The following TBX5 variants were observed in gnomAD, a reference collection of about 807,000 sequenced individuals.
TBX5 encodes T-box transcription factor 5, also known as T-box transcription factor TBX5.
Under a neutral mutation model 51.1 loss-of-function variants are expected in TBX5, and 8 were observed. That is an observed-to-expected ratio of 0.16 (90% confidence interval 0.09 to 0.28). TBX5 has a LOEUF of 0.28. TBX5 is among the 10% of genes least tolerant of loss of function. TBX5 has a pLI of 1.00. For synonymous variants in TBX5, 302 were observed against 266.4 expected (o/e 1.13, Z -1.30); for missense variants, 589 against 671.7 (o/e 0.88, Z 1.36).
At chr12:114,393,014 G>T (rs1871244227) in intron 6 of TBX5, among the ~76,000 whole-genome samples, 1 of 152,124 alleles carries the variant, frequency 6.6e-6, no homozygotes, top group African/African-American at 2.4e-5. Context: ...GGCCTGGAAA[G>T]GACTGTCTAT....
At chr12:114,404,396 A>C (rs1872057839) in intron 1 of TBX5, among the ~76,000 whole-genome samples, 1 of 152,168 alleles carries the variant, frequency 6.6e-6, no homozygotes, top group Non-Finnish European at 1.5e-5. Context: ...ATGCCGTCGA[A>C]ACTCTTTTTA....
chr12:114,407,854 G>T (rs1285028387), upstream of TBX5: 2 of 985,146 alleles, frequency 2.0e-6, no homozygotes, highest in Non-Finnish European at 1.2e-6. Flanking sequence ...CAAAAGCCAG[G>T]AGTGCGCCTC....
At chr12:114,375,836 G>C (rs1346970180) in intron 7 of TBX5, among the ~76,000 whole-genome samples, 1 of 152,136 alleles carries the variant, frequency 6.6e-6, no homozygotes. Flanking sequence ...TTGAGCTCAG[G>C]AGTTCAAGAC....
chr12:114,374,888 G>T (rs1870107635), intron 7 of TBX5, among the ~76,000 whole-genome samples: 2 of 152,094 alleles, frequency 1.3e-5, no homozygotes, highest in African/African-American at 4.8e-5. Context: ...GAGGGAGGGA[G>T]AGAGGGACGG....
chr12:114,401,682 T>C, intron 3 of TBX5, 144 bp downstream of exon 3: 1 of 755,950 alleles, frequency 1.3e-6, no homozygotes, highest in Non-Finnish European at 2.3e-6. Context: ...GCTCTCTCTC[T>C]CCTCTCCTCT....
Position 114,356,794 on chromosome 12 carries a change from C to G in TBX5, c.983-688G>C, listed in dbSNP as rs564189925. ...AAGTAACACATTTAATCACAACAAC[C>G]CTACCAGGTGGGTTTTACTATTATC... On this transcript the variant is annotated intron_variant, in intron 8 of 8. Coordinates refer to ENST00000405440, the MANE Select transcript of TBX5 (RefSeq NM_181486.4). Among the ~76,000 whole-genome samples, 7 of 152,240 alleles carry G rather than the reference C, an allele frequency of 4.6e-5. No individual in the cohort carries two copies. The South Asian group carries it at 1.2e-3, about 27-fold the overall frequency.
chr12:114,372,166 T>G (rs1470626091), intron 7 of TBX5, among the ~76,000 whole-genome samples: 1 of 152,146 alleles, frequency 6.6e-6, no homozygotes, highest in African/African-American at 2.4e-5. Flanking sequence ...AAAGTGATAC[T>G]TACACTAAAA....
intron 7 of TBX5, among the ~76,000 whole-genome samples, chr12:114,383,197 G>A (rs546102515): frequency 6.6e-6 from 1 of 152,208 alleles, no homozygotes; most frequent in Admixed American, 6.5e-5. Context: ...GAGGGGTCCT[G>A]GGGGAGACAT....
intron 7 of TBX5, among the ~76,000 whole-genome samples, chr12:114,373,219 G>A (rs1055177687): frequency 2.0e-5 from 3 of 152,030 alleles, no homozygotes; most frequent in African/African-American, 4.8e-5. Context: ...TTCAAAAAAC[G>A]GTTTTGACTC....
chr12:114,381,182 A>G (rs1288561584), intron 7 of TBX5, among the ~76,000 whole-genome samples: 1 of 152,236 alleles, frequency 6.6e-6, no homozygotes, highest in Non-Finnish European at 1.5e-5. Context: ...ACATTTGCCA[A>G]GCAAATCCAA....
intron 1 of TBX5, among the ~76,000 whole-genome samples, chr12:114,404,406 A>G (rs1489935593): frequency 6.6e-6 from 1 of 152,146 alleles, no homozygotes; most frequent in Non-Finnish European, 1.5e-5. Flanking sequence ...AACTCTTTTT[A>G]TTAAACCTCA....
In TBX5 at chr12:114,380,064, G is replaced by A. The variant is rs117418563; in HGVS notation, c.755+5412C>T. On this transcript the variant is annotated intron_variant, in intron 7 of 8. Transcript: ENST00000405440. ...CAGCCCCCTAGACTTTTAGACCCTTGCCCACTTCTTCCTTGCTTCAGCCCA... is the reference window on the plus strand; with the variant it reads ...CAGCCCCCTAGACTTTTAGACCCTTACCCACTTCTTCCTTGCTTCAGCCCA... Among the ~76,000 whole-genome samples the A allele has an allele frequency of 7.1e-3, 1,073 of 152,104 alleles. 29 individuals carry two copies. Among genetic ancestry groups the A allele is most frequent in the East Asian group, 0.031 (160 of 5,170 alleles).
intron 6 of TBX5, among the ~76,000 whole-genome samples, chr12:114,385,982 G>A (rs1049652662): frequency 6.6e-6 from 1 of 152,060 alleles, no homozygotes; most frequent in Non-Finnish European, 1.5e-5. Context: ...CCATTGGAAG[G>A]GTTGACCCCA....
In TBX5 at chr12:114,403,773, C is replaced by T; in HGVS notation, c.126G>A (p.Pro42=). ...LGAPSKSPSS[P]QAAFTQQGME... ...TTACCTGCTGGGTGAAGGCGGCCTG[C>T]GGGGACGACGGGGACTTGCTGGGGG... Residue 42 remains proline (P), a synonymous_variant, in exon 2 of 9, where the codon CCG becomes CCA. Coordinates refer to ENST00000405440, the MANE Select transcript of TBX5 (RefSeq NM_181486.4). The T allele has an allele frequency of 1.9e-6, 3 of 1,613,788 alleles. No individual in the cohort carries two copies. The highest frequency in any genetic ancestry group is 2.5e-6 in the Non-Finnish European group (3 of 1,179,990).
chr12:114,406,623 G>T (rs1011954950), upstream of TBX5, among the ~76,000 whole-genome samples: 10 of 152,036 alleles, frequency 6.6e-5, no homozygotes, highest in African/African-American at 2.4e-4. Context: ...CGACTCTGGG[G>T]TGAAGGCAGG....
chr12:114,405,687 G>C lies in TBX5; in HGVS notation c.-98C>G. On this transcript the variant is annotated 5_prime_UTR_variant, in exon 1 of 9. Transcript: ENST00000405440. ...TCTGCTGCTCCTAGCAGGGAAGCCG[G>C]CGGTGAGGCGGGGGAGCAGGCATGG... The C allele has an allele frequency of 1.0e-6, 1 of 985,426 alleles. No individual in the cohort carries two copies. The highest frequency in any genetic ancestry group is 1.2e-6 in the Non-Finnish European group (1 of 829,920). 61.0% of individuals were successfully genotyped at this position (985,426 alleles called of 1,614,324 possible). A position where few individuals can be genotyped will look rare whatever the true frequency, so the allele number is the denominator to read the frequency against.
At chr12:114,404,076 G>A in intron 1 of TBX5, 140 bp from the exon 2 acceptor site, 1 of 775,722 alleles carries the variant, frequency 1.3e-6, no homozygotes. Context: ...GTTCCCAGCC[G>A]AAGGTGACTG....
chr12:114,408,330 G>A (rs1035222962), upstream of TBX5: 4 of 560,584 alleles, frequency 7.1e-6, no homozygotes, highest in South Asian at 7.6e-5. Flanking sequence ...GACTTTCTTA[G>A]GAAGGGGGAG....
In TBX5 at chr12:114,399,597, C is replaced by T. The variant is rs890394778; in HGVS notation, c.278G>A (p.Gly93Asp). The stretch of plus-strand genomic sequence containing the variant: ...AATGTACTTCGTTTTGGGATTAAGG[C>T]CCGTCACCTTCACTTTGTAACTGGG... ...MFPSYKVKVT[G>D]LNPKTKYILL... Residue 93 changes from glycine to aspartate, a missense_variant, in exon 4 of 9, where the codon GGC (glycine) becomes GAC (aspartate). By Grantham distance (94) the Gly-to-Asp change is moderately conservative. Transcript: ENST00000405440. The T allele has an allele frequency of 1.2e-6, 2 of 1,614,026 alleles. No individual in the cohort carries two copies. The highest frequency in any genetic ancestry group is 3.3e-5 in the Admixed American group (2 of 59,992).
Sources: gnomAD v4.1 joint callset for allele counts (sites outside exome capture counted in the v4.1 genomes callset) on GRCh38, gnomAD v4.1.1 for gene constraint, MANE v1.5 for transcripts, NCBI Gene and HGNC (gene_info 2026-07-23, HGNC 2026-07-21) for gene names.